The following MYCBP2 variants were observed in gnomAD, a reference collection of about 807,000 sequenced individuals.
The protein encoded by MYCBP2 is MYC binding protein 2.
Under a neutral mutation model 525.3 loss-of-function variants are expected in MYCBP2, and 120 were observed. The observed-to-expected ratio is 0.23, with a 90% CI of 0.20 to 0.27. MYCBP2 has a LOEUF of 0.27. Among genes scored for constraint, MYCBP2 ranks in the 10% least tolerant of loss-of-function variants. The pLI is 1.00. For missense variants in MYCBP2, 4,149 were observed against 5,657.1 expected, an observed-to-expected ratio of 0.73 and a Z score of 8.55; for synonymous variants, 1,894 against 1,955.8, an observed-to-expected ratio of 0.97 and a Z score of 0.83.
chr13:77,120,897 T>C (rs2050578036), intron 55 of MYCBP2, among the ~76,000 whole-genome samples: 1 of 152,192 alleles, frequency 6.6e-6, no homozygotes, highest in South Asian at 2.1e-4. Context: ...CTAAATTAAC[T>C]AAGATTACTG....
intron 41 of MYCBP2, among the ~76,000 whole-genome samples, chr13:77,166,092 C>T: frequency 6.6e-6 from 1 of 152,292 alleles, no homozygotes; most frequent in East Asian, 1.9e-4. Flanking sequence ...CTCTGCTTTG[C>T]TCAAGCTAAT....
chr13:77,271,556 G>A (rs1436185895), intron 5 of MYCBP2, among the ~76,000 whole-genome samples: 18 of 152,150 alleles, frequency 1.2e-4, no homozygotes, highest in Admixed American at 1.1e-3. Flanking sequence ...GGACCCAGTG[G>A]GAGGTAACTG....
At chr13:77,132,621 TATC>T (rs953049329) in intron 52 of MYCBP2, among the ~76,000 whole-genome samples, 1 of 152,138 alleles carries the variant, frequency 6.6e-6, no homozygotes, top group Non-Finnish European at 1.5e-5. Flanking sequence ...TCCATTTGTC[TATC>T]ATCTACTTCC....
chr13:77,163,246 A>G (rs958461441), intron 43 of MYCBP2, among the ~76,000 whole-genome samples: 1 of 152,214 alleles, frequency 6.6e-6, no homozygotes, highest in Non-Finnish European at 1.5e-5. Context: ...CAAAAAGTAT[A>G]TATAATGTAA....
chr13:77,266,566 T>C (rs1365146734), intron 8 of MYCBP2, among the ~76,000 whole-genome samples: 1 of 151,978 alleles, frequency 6.6e-6, no homozygotes, highest in Non-Finnish European at 1.5e-5. Flanking sequence ...GGAAGTGGGA[T>C]TATAATTATT....
chr13:77,083,438 C>T (rs971888222), intron 62 of MYCBP2, among the ~76,000 whole-genome samples: 1 of 152,066 alleles, frequency 6.6e-6, no homozygotes, highest in African/African-American at 2.4e-5. Flanking sequence ...TTCTAGTGTA[C>T]TCACAAAGAT....
intron 3 of MYCBP2, among the ~76,000 whole-genome samples, chr13:77,284,944 T>C (rs2076583503): frequency 6.6e-6 from 1 of 152,194 alleles, no homozygotes; most frequent in Non-Finnish European, 1.5e-5. Flanking sequence ...ACCCCAGCAG[T>C]TTGGCTCCAT....
In MYCBP2 at chr13:77,215,672, G is replaced by A. The variant is rs375783156; in HGVS notation, c.3057+2168C>T. On this transcript the variant is annotated intron_variant, in intron 21 of 82. Transcript: ENST00000544440. ...GAATCACAGCTCTCACTACAGCCTCGACCTCCAGGGCTCAAGTGATCCTCC... is the reference window on the plus strand; with the variant it reads ...GAATCACAGCTCTCACTACAGCCTCAACCTCCAGGGCTCAAGTGATCCTCC... Among the ~76,000 whole-genome samples the A allele has an allele frequency of 4.8e-4, 73 of 152,180 alleles. 1 individual carries two copies. Among genetic ancestry groups the A allele is most frequent in the Non-Finnish European group, 7.6e-4 (52 of 67,974 alleles).
At chr13:77,224,636 A>G in intron 19 of MYCBP2, 104 bp from the exon 20 acceptor site, 1 of 612,892 alleles carries the variant, frequency 1.6e-6, no homozygotes, top group South Asian at 3.1e-5. Flanking sequence ...AGATTTATAG[A>G]ACCATTAAAA....
At chr13:77,138,998 A>C (rs1469287885) in intron 52 of MYCBP2, among the ~76,000 whole-genome samples, 198 bp downstream of exon 52, 3 of 152,176 alleles carry the variant, frequency 2.0e-5, no homozygotes, top group Non-Finnish European at 4.4e-5. Flanking sequence ...TCTGTGATGG[A>C]TCATAATCTG....
At chr13:77,235,282 C>G (rs1039021097) in intron 17 of MYCBP2, among the ~76,000 whole-genome samples, 1 of 151,672 alleles carries the variant, frequency 6.6e-6, no homozygotes, top group Non-Finnish European at 1.5e-5. Context: ...AGAAAAGATA[C>G]TAAATAAACT....
chr13:77,074,131 T>C (rs1390924888), intron 68 of MYCBP2, among the ~76,000 whole-genome samples: 1 of 151,960 alleles, frequency 6.6e-6, no homozygotes, highest in African/African-American at 2.4e-5. Context: ...TCAAGACTTT[T>C]TATAAAGCTA....
At chr13:77,066,655 G>C (rs1313531278) in intron 71 of MYCBP2, among the ~76,000 whole-genome samples, 1 of 152,088 alleles carries the variant, frequency 6.6e-6, no homozygotes, top group African/African-American at 2.4e-5. Context: ...TAGGTCAAAA[G>C]ATATGCATAT....
In MYCBP2 at chr13:77,098,960, A is replaced by G; in HGVS notation, c.8194T>C (p.Ser2732Pro). ...SSKPASTSGKSELSSKHSRSL... is the reference protein window; with the variant it reads ...SSKPASTSGKPELSSKHSRSL... Reference sequence around the variant, plus strand: ...CTGCTGTGTTTAGAGGACAGCTCTGATTTTCCTGATGTAGAGGCTGGTTTA... The same window carrying G: ...CTGCTGTGTTTAGAGGACAGCTCTGGTTTTCCTGATGTAGAGGCTGGTTTA... The change falls in exon 56 of 83, where the codon TCA becomes CCA. Residue 2732 changes from serine (S) to proline (P), a missense_variant. Ser to Pro is a moderately conservative substitution (Grantham distance 74, BLOSUM62 -1). Coordinates refer to ENST00000544440, the MANE Select transcript of MYCBP2 (RefSeq NM_015057.5). 3 of 1,612,406 alleles carry G rather than the reference A, an allele frequency of 1.9e-6. No individual in the cohort carries two copies. The highest frequency in any genetic ancestry group is 2.5e-6 in the Non-Finnish European group (3 of 1,179,652).
rs2075889224 is a variant in MYCBP2 at position 77,278,778 on chromosome 13, G to A, written c.728C>T (p.Ser243Phe). 6.4e-7 allele frequency: 1 copy of A among 1,568,770 alleles called. No individual in the cohort carries two copies. Among genetic ancestry groups the A allele is most frequent in the Non-Finnish European group, 8.6e-7 (1 of 1,160,700 alleles). Residue 243 changes from serine (S) to phenylalanine (F), a missense_variant, in exon 4 of 83, where the codon TCT becomes TTT. Physicochemically the swap from Ser to Phe is radical, Grantham distance 155. Around this residue, in one of 21 missense-constraint regions of MYCBP2, gnomAD observed 413 missense variants for 451.2 expected, o/e 0.92. Coordinates refer to ENST00000544440, the MANE Select transcript of MYCBP2 (RefSeq NM_015057.5). ...LQGQQPEGLQ[S>F]EPPEVLESLF... ...CTTACCTAGGACCTCAGGTGGCTCA[G>A]ACTGGAGGCCTTCTGGCTGCTGGCC... is the stretch of plus-strand genomic sequence containing the variant.
rs541268285 is a variant in MYCBP2, at chr13:77,058,030, C to T, written c.13329+188G>A. Reference sequence around the variant, plus strand: ...TTTTTTTGTATTTTTGTAGTAGAGACGGGGTCTCACTGTGTTAGCCAGGAT... The same window carrying T: ...TTTTTTTGTATTTTTGTAGTAGAGATGGGGTCTCACTGTGTTAGCCAGGAT... On this transcript the variant is annotated intron_variant, in intron 78 of 82. Coordinates refer to ENST00000544440, the MANE Select transcript of MYCBP2 (RefSeq NM_015057.5). The surrounding 1 kb of genome is among the most constrained non-coding windows in gnomAD (Gnocchi z 4.1). 9.2e-5 allele frequency among the ~76,000 whole-genome samples: 14 copies of T among 151,980 alleles called. No individual in the cohort carries two copies. In the East Asian group the frequency reaches 1.5e-3, roughly 17 times the overall value.
chr13:77,083,013 A>AT lies in MYCBP2; in HGVS notation c.11036+18dup, dbSNP rs1251546585. On this transcript the variant is annotated intron_variant, in intron 63 of 82. Coordinates refer to ENST00000544440, the MANE Select transcript of MYCBP2 (RefSeq NM_015057.5). The stretch of plus-strand genomic sequence containing the variant: ...CTCTCTTGTCCAATGTACCTAGGAT[A>AT]TGTGGATACCAAAATTACCTCAGGG... 4 of 1,607,230 alleles carry AT rather than the reference A, an allele frequency of 2.5e-6. No homozygotes were observed. Among genetic ancestry groups the AT allele is most frequent in the East Asian group, 4.5e-5 (2 of 44,778 alleles).
Position 77,260,478 on chromosome 13 carries a change from T to G in MYCBP2, c.1967A>C (p.Asp656Ala). Residue 656 changes from aspartate to alanine, a missense_variant, in exon 13 of 83, where the codon GAT becomes GCT. Physicochemically the swap from Asp to Ala is moderately radical, Grantham distance 126. Transcript: ENST00000544440. Reference protein sequence around the residue: ...NNGSSSVISKDGELYMFGKDA... With the variant: ...NNGSSSVISKAGELYMFGKDA... ...TTTTCCAAACATGTAGAGTTCTCCA[T>G]CTTTAGAAATAACAGAACTACTTCC... 2 of 1,610,298 alleles carry G rather than the reference T, an allele frequency of 1.2e-6. No homozygotes were observed. Among genetic ancestry groups the G allele is most frequent in the Non-Finnish European group, 8.5e-7 (1 of 1,178,656 alleles).
chr13:77,074,009 C>CA (rs939686238), intron 68 of MYCBP2, among the ~76,000 whole-genome samples: 4 of 140,858 alleles, frequency 2.8e-5, no homozygotes, highest in Admixed American at 2.1e-4. Flanking sequence ...ACCGCCCCCC[C>CA]CCCTTTTTTT....
Sources: allele counts gnomAD v4.1 joint callset (sites outside exome capture counted in the v4.1 genomes callset), GRCh38; gene constraint gnomAD v4.1.1; regional missense constraint gnomAD v4.1.1; non-coding constraint Gnocchi (gnomAD v3.1); transcripts MANE v1.5; gene names NCBI Gene and HGNC (gene_info 2026-07-23, HGNC 2026-07-21).